Variants in AGMO observed in about 807,000 individuals in gnomAD.
AGMO encodes the protein alkylglycerol monooxygenase, also known as glyceryl-ether monooxygenase.
A neutral mutation model predicts 60.2 loss-of-function variants in AGMO; 75 were observed. The observed-to-expected ratio is 1.25, with a 90% CI of 1.03 to 1.51. AGMO has a LOEUF of 1.51. AGMO is among the 40% of genes most tolerant of loss of function. The pLI, the probability that AGMO is intolerant of heterozygous loss-of-function variation, is 0.00. For missense variants in AGMO, 763 were observed against 525.5 expected, an observed-to-expected ratio of 1.45 and a Z score of -4.42; for synonymous variants, 261 against 177.1, an observed-to-expected ratio of 1.47 and a Z score of -3.76.
intron 5 of AGMO, among the ~76,000 whole-genome samples, chr7:15,417,054 G>T (rs1780793650): frequency 6.6e-6 from 1 of 152,112 alleles, no homozygotes; most frequent in Admixed American, 6.6e-5. Context: ...ACACGGTTGA[G>T]AAATATTTCA....
intron 2 of AGMO, among the ~76,000 whole-genome samples, chr7:15,553,955 G>C (rs920275304): frequency 6.6e-6 from 1 of 152,046 alleles, no homozygotes; most frequent in Non-Finnish European, 1.5e-5. Context: ...AGAAAGAGGG[G>C]AGAAGCTGTG....
intron 12 of AGMO, among the ~76,000 whole-genome samples, chr7:15,255,664 A>G (rs1244163990): frequency 6.6e-6 from 1 of 152,206 alleles, no homozygotes; most frequent in African/African-American, 2.4e-5. Flanking sequence ...GATCTTCATA[A>G]TGATCAAATT....
intron 10 of AGMO, among the ~76,000 whole-genome samples, chr7:15,371,109 T>C (rs1486785169): frequency 6.6e-6 from 1 of 152,078 alleles, no homozygotes; most frequent in Non-Finnish European, 1.5e-5. Context: ...TATATAAAAA[T>C]TAACTCAAGA....
At chr7:15,400,886 A>G (rs1583512376) in intron 5 of AGMO, among the ~76,000 whole-genome samples, 1 of 152,150 alleles carries the variant, frequency 6.6e-6, no homozygotes, top group East Asian at 1.9e-4. Context: ...GAAAGTAGCC[A>G]GAGATGGAAA....
At chr7:15,143,270 A>C in the AGMO span, among the ~76,000 whole-genome samples, 15 of 152,206 alleles carry the variant, frequency 9.9e-5, no homozygotes, top group Admixed American at 9.8e-4. Flanking sequence ...AACATTTAGT[A>C]ACAGACAGGC....
At chr7:15,275,703 T>A (rs981359838) in intron 12 of AGMO, among the ~76,000 whole-genome samples, 2 of 152,208 alleles carry the variant, frequency 1.3e-5, no homozygotes, top group African/African-American at 4.8e-5. Context: ...ATTTATTTTA[T>A]GAATCTGGGT....
chr7:15,471,528 G>C (rs1043367882), intron 3 of AGMO, among the ~76,000 whole-genome samples: 2 of 151,860 alleles, frequency 1.3e-5, no homozygotes, highest in Non-Finnish European at 2.9e-5. Flanking sequence ...GCATAGAGGA[G>C]AATCTGTATT....
At chr7:15,168,761 G>A in the AGMO span, among the ~76,000 whole-genome samples, 6 of 152,126 alleles carry the variant, frequency 3.9e-5, no homozygotes, top group African/African-American at 1.4e-4. Flanking sequence ...TGCAGTTTTT[G>A]GGGTGTCAAA....
chr7:15,364,850 C>T (rs894973976), intron 12 of AGMO, among the ~76,000 whole-genome samples: 13 of 151,960 alleles, frequency 8.6e-5, no homozygotes, highest in African/African-American at 3.1e-4. Flanking sequence ...GTGATGTTGG[C>T]AGGTGTCTTG....
At chr7:15,490,945 T>C (rs923525342) in intron 3 of AGMO, among the ~76,000 whole-genome samples, 7 of 152,198 alleles carry the variant, frequency 4.6e-5, no homozygotes, top group African/African-American at 1.7e-4. Flanking sequence ...CATTCTAGTT[T>C]AGCTCAAGCA....
At chr7:15,535,275 G>T (rs1404467063) in intron 3 of AGMO, among the ~76,000 whole-genome samples, 1 of 151,538 alleles carries the variant, frequency 6.6e-6, no homozygotes. Context: ...TTATTTCTTA[G>T]ACATAAGCTT....
chr7:15,478,301 C>A (rs537981229), intron 3 of AGMO, among the ~76,000 whole-genome samples: 1 of 152,212 alleles, frequency 6.6e-6, no homozygotes, highest in South Asian at 2.1e-4. Flanking sequence ...CCTCATCAAC[C>A]TTTAACTTGT....
Position 15,369,129 on chromosome 7 carries a change from C to T in AGMO, c.1075-2907G>A, listed in dbSNP as rs1390068244. On this transcript the variant is annotated intron_variant, in intron 10 of 12. Transcript: ENST00000342526. ...TCAAGAGATATATTTAAAATATATC[C>T]AGAATAAAAGCATGTGTTACAAACA... 2.0e-5 allele frequency among the ~76,000 whole-genome samples: 3 copies of T among 151,866 alleles called. No homozygotes were observed. In the East Asian group the frequency reaches 5.8e-4, roughly 29 times the overall value.
At chr7:15,310,401 T>C (rs528066386) in intron 12 of AGMO, among the ~76,000 whole-genome samples, 12 of 152,088 alleles carry the variant, frequency 7.9e-5, no homozygotes, top group Non-Finnish European at 1.5e-4. Flanking sequence ...AATAAACATA[T>C]TTGGTTTCCA....
chr7:15,425,147 A>G (rs1781027283), intron 4 of AGMO, among the ~76,000 whole-genome samples: 1 of 152,184 alleles, frequency 6.6e-6, no homozygotes, highest in African/African-American at 2.4e-5. Context: ...AAATATTAAG[A>G]GGTCTATTTC....
chr7:15,389,189 A>G (rs1330388862), intron 8 of AGMO, among the ~76,000 whole-genome samples: 1 of 152,158 alleles, frequency 6.6e-6, no homozygotes, highest in Non-Finnish European at 1.5e-5. Context: ...TAGAAAACAC[A>G]GGATCTTGGA....
At chr7:15,316,045 G>C (rs1780913590) in intron 12 of AGMO, among the ~76,000 whole-genome samples, 1 of 152,088 alleles carries the variant, frequency 6.6e-6, no homozygotes, top group African/African-American at 2.4e-5. Flanking sequence ...GCAGGCACTG[G>C]TTTCCAACGC....
In AGMO at chr7:15,312,079, G is replaced by A. The variant is rs1449635656; in HGVS notation, c.1263+53435C>T. On this transcript the variant is annotated intron_variant, in intron 12 of 12. Transcript: ENST00000342526. ...GAAAAATGAAAAAGAGAATGAGACAGGGAGAGAGAGAAAGAAAGAGAAACA... is the reference window on the plus strand; with the variant it reads ...GAAAAATGAAAAAGAGAATGAGACAAGGAGAGAGAGAAAGAAAGAGAAACA... Among the ~76,000 whole-genome samples the A allele has an allele frequency of 2.0e-5, 3 of 151,874 alleles. No homozygotes were observed. The East Asian group carries it at 5.8e-4, about 29-fold the overall frequency.
chr7:15,488,936 C>A (rs541505660), intron 3 of AGMO, among the ~76,000 whole-genome samples: 1 of 152,016 alleles, frequency 6.6e-6, no homozygotes, highest in African/African-American at 2.4e-5. Flanking sequence ...AGATGGTTTA[C>A]TAAAGGTTGG....
Sources: allele counts gnomAD v4.1 joint callset (sites outside exome capture counted in the v4.1 genomes callset), GRCh38; gene constraint gnomAD v4.1.1; transcripts MANE v1.5; gene names NCBI Gene and HGNC (gene_info 2026-07-23, HGNC 2026-07-21).